PTPRD: variants seen among roughly 807,000 people sequenced by gnomAD.
PTPRD encodes receptor-type tyrosine-protein phosphatase delta.
Under a neutral mutation model 214.5 loss-of-function variants are expected in PTPRD, and 34 were observed. That is an observed-to-expected ratio of 0.16 (90% CI 0.12 to 0.21). PTPRD has a LOEUF of 0.21. PTPRD is among the 10% of genes least tolerant of loss of function. The pLI is 1.00. For synonymous variants in PTPRD, 1,128 were observed against 845.7 expected (o/e 1.33, Z -5.79); for missense variants, 2,545 against 2,398.7 (o/e 1.06, Z -1.27).
At chr9:9,682,778 A>G (rs537741162) in intron 7 of PTPRD, among the ~76,000 whole-genome samples, 29 of 151,914 alleles carry the variant, frequency 1.9e-4, no homozygotes, top group Non-Finnish European at 3.1e-4. Context: ...AAAGTCTGCT[A>G]CCAGCACATA....
intron 10 of PTPRD, among the ~76,000 whole-genome samples, chr9:9,065,226 T>G (rs957538554): frequency 2.0e-5 from 3 of 152,034 alleles, no homozygotes; most frequent in Non-Finnish European, 4.4e-5. Flanking sequence ...CAAATAAGGA[T>G]AGGGTGAAAA....
chr9:9,606,726 T>C (rs2094178004), intron 7 of PTPRD, among the ~76,000 whole-genome samples: 1 of 151,810 alleles, frequency 6.6e-6, no homozygotes, highest in Non-Finnish European at 1.5e-5. Context: ...AAAAACAAGG[T>C]CGACTAACTT....
At chr9:8,741,320 C>A (rs1435987846) in intron 11 of PTPRD, among the ~76,000 whole-genome samples, 2 of 152,052 alleles carry the variant, frequency 1.3e-5, no homozygotes, top group Non-Finnish European at 2.9e-5. Context: ...AAATTTCTTT[C>A]AGTTATTACT....
At chr9:8,409,745 T>A (rs530014331) in intron 35 of PTPRD, among the ~76,000 whole-genome samples, 106 of 152,282 alleles carry the variant, frequency 7.0e-4, no homozygotes, top group African/African-American at 2.5e-3. Context: ...AACCTCAAAA[T>A]ATTCCCTTTA....
intron 2 of PTPRD, among the ~76,000 whole-genome samples, chr9:10,608,376 C>G (rs970081116): frequency 7.2e-5 from 11 of 151,980 alleles, no homozygotes; most frequent in African/African-American, 2.7e-4. Flanking sequence ...CTCTTCCCTT[C>G]CATAATCTCC....
At chr9:8,948,563 T>TTATATATATTTA (rs2099084964) in intron 11 of PTPRD, among the ~76,000 whole-genome samples, 3 of 86,396 alleles carry the variant, frequency 3.5e-5, no homozygotes, top group Non-Finnish European at 6.5e-5. Context: ...TTATATATAT[T>TTATATATATTTA]TATATATATA....
intron 11 of PTPRD, among the ~76,000 whole-genome samples, chr9:8,776,494 C>T (rs375745524): frequency 1.0e-4 from 15 of 146,118 alleles, no homozygotes; most frequent in African/African-American, 3.7e-4. Flanking sequence ...GATGGGATTT[C>T]GTCATGTTGC....
At position 9,884,539 on chromosome 9, in the gene PTPRD, T is replaced by C. The variant is rs1215337583; in HGVS notation, c.-368+53968A>G. 2.0e-5 allele frequency among the ~76,000 whole-genome samples: 3 copies of C among 152,262 alleles called. No homozygotes were observed. The East Asian group carries it at 5.8e-4, about 29-fold the overall frequency. ...ACACAGCAAAAGCTCTGGGAATAGA[T>C]GGCAGGTAGAAGCTGGAAAGGCCTT... On this transcript the variant is annotated intron_variant, in intron 5 of 45. Coordinates refer to ENST00000381196, the MANE Select transcript of PTPRD (RefSeq NM_002839.4).
In PTPRD at chr9:9,115,578, C is replaced by T. The variant is rs149723492; in HGVS notation, c.-143+67726G>A. 9.9e-5 allele frequency among the ~76,000 whole-genome samples: 15 copies of T among 152,178 alleles called. No individual in the cohort carries two copies. The East Asian group carries it at 1.2e-3, about 12-fold the overall frequency. Reference sequence around the variant, plus strand: ...TATGGAAAACAATATGTAGATTTCTCAAAGAACTGAAAGAAGATCTATCAT... The same window carrying T: ...TATGGAAAACAATATGTAGATTTCTTAAAGAACTGAAAGAAGATCTATCAT... On this transcript the variant is annotated intron_variant, in intron 10 of 45. Transcript: ENST00000381196.
chr9:9,489,131 A>T (rs1371804655), intron 8 of PTPRD, among the ~76,000 whole-genome samples: 1 of 152,190 alleles, frequency 6.6e-6, no homozygotes, highest in Middle Eastern at 3.2e-3. Context: ...ATAATTGCAT[A>T]TATGAGAAAC....
At chr9:8,624,134 T>C (rs2095923000) in intron 14 of PTPRD, among the ~76,000 whole-genome samples, 1 of 151,902 alleles carries the variant, frequency 6.6e-6, no homozygotes, top group African/African-American at 2.4e-5. Context: ...AGCAATTGAC[T>C]ACCTGGACCT....
chr9:9,403,871 T>C (rs1587396028), intron 8 of PTPRD, among the ~76,000 whole-genome samples: 1 of 152,000 alleles, frequency 6.6e-6, no homozygotes, highest in South Asian at 2.1e-4. Context: ...AGGAATAAGA[T>C]AATTTCAGAT....
intron 3 of PTPRD, among the ~76,000 whole-genome samples, chr9:10,047,445 T>C (rs1277682176): frequency 6.6e-6 from 1 of 151,946 alleles, no homozygotes; most frequent in Non-Finnish European, 1.5e-5. Flanking sequence ...ATTTATTTCA[T>C]TTTATTAGTT....
At chr9:9,427,243 G>C (rs1037920672) in intron 8 of PTPRD, among the ~76,000 whole-genome samples, 1 of 152,140 alleles carries the variant, frequency 6.6e-6, no homozygotes, top group African/African-American at 2.4e-5. Flanking sequence ...TGAAAACCAT[G>C]GCATGAGAAC....
intron 3 of PTPRD, among the ~76,000 whole-genome samples, chr9:10,310,015 G>A (rs2096223680): frequency 6.6e-6 from 1 of 151,986 alleles, no homozygotes; most frequent in Admixed American, 6.6e-5. Flanking sequence ...GATAACTGGA[G>A]ATCCCCTGAG....
chr9:8,652,245 T>C (rs901345920), intron 12 of PTPRD, among the ~76,000 whole-genome samples: 3 of 152,234 alleles, frequency 2.0e-5, no homozygotes, highest in Admixed American at 6.5e-5. Context: ...GAAACACTTC[T>C]GGTGGTGGAT....
intron 3 of PTPRD, among the ~76,000 whole-genome samples, chr9:10,095,161 T>C (rs1187740950): frequency 6.6e-6 from 1 of 151,500 alleles, no homozygotes; most frequent in Non-Finnish European, 1.5e-5. Flanking sequence ...AGTCTCACAA[T>C]GATACCTCAA....
At chr9:9,985,793 A>G (rs1397228271) in intron 4 of PTPRD, among the ~76,000 whole-genome samples, 1 of 151,872 alleles carries the variant, frequency 6.6e-6, no homozygotes, top group Non-Finnish European at 1.5e-5. Context: ...TATAAATAAT[A>G]TTTTATATTA....
At chr9:10,194,570 A>G (rs1202507172) in intron 3 of PTPRD, among the ~76,000 whole-genome samples, 1 of 152,038 alleles carries the variant, frequency 6.6e-6, no homozygotes, top group East Asian at 1.9e-4. Context: ...CAGTCTGTTA[A>G]CACATGAACC....
Sources: gnomAD v4.1 joint callset for allele counts (sites outside exome capture counted in the v4.1 genomes callset) on GRCh38, gnomAD v4.1.1 for gene constraint, MANE v1.5 for transcripts, NCBI Gene and HGNC (gene_info 2026-07-23, HGNC 2026-07-21) for gene names.